Variants in CLEC2A observed in about 807,000 individuals in gnomAD.
CLEC2A encodes the protein keratinocyte-associated C-type lectin.
Under a neutral mutation model 18.6 loss-of-function variants are expected in CLEC2A, and 19 were observed. The ratio of observed to expected loss-of-function variants is 1.02; its 90% CI spans 0.71 to 1.50. The LOEUF is 1.50. CLEC2A is among the 40% of genes most tolerant of loss of function. The probability of loss-of-function intolerance (pLI) is 0.00; values close to 1 mark genes in which losing one functional copy is unlikely to be tolerated. For synonymous variants in CLEC2A, 74 were observed against 64.0 expected, an observed-to-expected ratio of 1.16 and a Z score of -0.75; for missense variants, 190 against 207.9, an observed-to-expected ratio of 0.91 and a Z score of 0.53.
downstream of CLEC2A, among the ~76,000 whole-genome samples, chr12:9,894,048 T>G (rs1377544020): frequency 6.6e-6 from 1 of 151,872 alleles, no homozygotes; most frequent in Non-Finnish European, 1.5e-5. Context: ...TTTTCTTTCT[T>G]TCTTTCTCTT....
chr12:9,930,643 T>C (rs2137060448), intron 1 of CLEC2A, among the ~76,000 whole-genome samples: 1 of 152,170 alleles, frequency 6.6e-6, no homozygotes, highest in Non-Finnish European at 1.5e-5. Flanking sequence ...ATTTTGTTTG[T>C]ACACTTTTGA....
At chr12:9,900,845 TG>T (rs1862816598) in intron 4 of CLEC2A, among the ~76,000 whole-genome samples, 1 of 152,212 alleles carries the variant, frequency 6.6e-6, no homozygotes, top group Non-Finnish European at 1.5e-5. Flanking sequence ...GTCAAAGTGT[TG>T]GTAAAATAAA....
At chr12:9,922,816 A>G (rs550817656) in intron 2 of CLEC2A, among the ~76,000 whole-genome samples, 1 of 152,332 alleles carries the variant, frequency 6.6e-6, no homozygotes, top group South Asian at 2.1e-4. Flanking sequence ...AGACAAGTCC[A>G]TGCATTCCAC....
At chr12:9,886,646 GCCAA>G in the CLEC2A span, among the ~76,000 whole-genome samples, 1 of 151,300 alleles carries the variant, frequency 6.6e-6, no homozygotes, top group African/African-American at 2.4e-5. Flanking sequence ...ACTTTTGAAA[GCCAA>G]AAATATGAAG....
downstream of CLEC2A, among the ~76,000 whole-genome samples, chr12:9,909,502 A>G (rs1453208579): frequency 3.3e-5 from 5 of 152,262 alleles, no homozygotes; most frequent in African/African-American, 1.2e-4. Flanking sequence ...TTGATCACCG[A>G]CCTGATCTGC....
chr12:9,924,272 T>A (rs575640363), intron 2 of CLEC2A, among the ~76,000 whole-genome samples: 1 of 151,816 alleles, frequency 6.6e-6, no homozygotes, highest in African/African-American at 2.4e-5. Context: ...CTTTTGTCTT[T>A]CTGCTCTTTT....
intron 4 of CLEC2A, among the ~76,000 whole-genome samples, chr12:9,906,578 G>A (rs534838409): frequency 1.3e-5 from 2 of 152,156 alleles, no homozygotes; most frequent in African/African-American, 4.8e-5. Flanking sequence ...CTTAGAATCA[G>A]TATAAATGGT....
chr12:9,899,167 G>T (rs1364516779), intron 4 of CLEC2A, among the ~76,000 whole-genome samples: 5 of 151,928 alleles, frequency 3.3e-5, no homozygotes, highest in Admixed American at 2.6e-4. Flanking sequence ...GGGCTCCTGG[G>T]TTCCCTTCCC....
intron 3 of CLEC2A, among the ~76,000 whole-genome samples, chr12:9,919,142 T>C (rs924193858): frequency 6.6e-6 from 1 of 152,202 alleles, no homozygotes; most frequent in Admixed American, 6.5e-5. Flanking sequence ...GGCTATAGAT[T>C]GTGACTTGGC....
At chr12:9,920,278 G>T (rs1863146820) in intron 3 of CLEC2A, among the ~76,000 whole-genome samples, 1 of 152,150 alleles carries the variant, frequency 6.6e-6, no homozygotes. Flanking sequence ...AACTACTTTT[G>T]CTGGGAAGCC....
intron 4 of CLEC2A, among the ~76,000 whole-genome samples, chr12:9,914,609 G>A (rs1477807972): frequency 2.0e-5 from 3 of 152,116 alleles, no homozygotes; most frequent in Non-Finnish European, 4.4e-5. Flanking sequence ...AACAAGCAAT[G>A]GGGGAAGGAT....
At chr12:9,881,648 C>A in the CLEC2A span, 1 of 1,535,052 alleles carries the variant, frequency 6.5e-7, no homozygotes, top group South Asian at 1.2e-5. Flanking sequence ...CGTTGTAAAT[C>A]GAAGCAGAAA....
At chr12:9,898,273 G>A (rs1024878534), downstream of CLEC2A, among the ~76,000 whole-genome samples, 1 of 152,162 alleles carries the variant, frequency 6.6e-6, no homozygotes, top group Non-Finnish European at 1.5e-5. Flanking sequence ...GTCCTCAAAA[G>A]TGAAACTCAC....
rs1321147205 is a variant in CLEC2A at position 9,913,692 on chromosome 12, C to T, written c.411-12G>A. The T allele has an allele frequency of 1.3e-6, 2 of 1,498,632 alleles. No homozygotes were observed. Among genetic ancestry groups the T allele is most frequent in the East Asian group, 2.5e-5 (1 of 40,632 alleles). The allele number at this position is 1,498,632 out of a possible 1,614,324, so 92.8% of individuals were successfully genotyped here. ...CTATAATTTCAAACCTGAAAAAGAA[C>T]ACTCTAAATCAGTCTGGGAACCACT... On this transcript the variant is annotated splice_polypyrimidine_tract_variant and intron_variant, in intron 4 of 4. Coordinates refer to ENST00000455827, the MANE Select transcript of CLEC2A (RefSeq NM_001130711.2).
At chr12:9,923,999 A>C (rs1863221534) in intron 2 of CLEC2A, among the ~76,000 whole-genome samples, 1 of 152,030 alleles carries the variant, frequency 6.6e-6, no homozygotes, top group Non-Finnish European at 1.5e-5. Flanking sequence ...TAGCATTAGG[A>C]GATATATCTA....
chr12:9,916,951 T>G lies in CLEC2A; in HGVS notation c.307-148A>C, dbSNP rs538604121. ...TCTATAACAACAAACAGCACAGATGTTGATGTTTGGGTTAGTTTTATCAGA... is the reference window on the plus strand; with the variant it reads ...TCTATAACAACAAACAGCACAGATGGTGATGTTTGGGTTAGTTTTATCAGA... On this transcript the variant is annotated intron_variant, in intron 3 of 4. Coordinates refer to ENST00000455827, the MANE Select transcript of CLEC2A (RefSeq NM_001130711.2). 7.2e-6 allele frequency: 4 copies of G among 556,854 alleles called. No homozygotes were observed. The Admixed American group carries it at 1.3e-4, about 18-fold the overall frequency. 34.5% of individuals were successfully genotyped at this position (556,854 alleles called of 1,614,324 possible).
At chr12:9,894,427 C>G (rs113062221), downstream of CLEC2A, among the ~76,000 whole-genome samples, 1,064 of 152,166 alleles carry the variant, frequency 7.0e-3, 9 homozygotes, top group African/African-American at 0.025. Context: ...AAACTATCAC[C>G]CACCTCAGCC....
At position 9,921,539 on chromosome 12, in the gene CLEC2A, A is replaced by T. The variant is rs140152897; in HGVS notation, c.306+527T>A. On this transcript the variant is annotated intron_variant, in intron 3 of 4. Transcript: ENST00000455827. ...GAATTCAAGGCTACAGTGAGCTGAG[A>T]TTGCACCACTGCACTCCAGCCTAGG... Among the ~76,000 whole-genome samples the T allele has an allele frequency of 2.5e-3, 374 of 152,262 alleles. 5 individuals are homozygous for T. The highest frequency in any genetic ancestry group is 4.1e-3 in the Non-Finnish European group (276 of 68,026).
the CLEC2A span, among the ~76,000 whole-genome samples, chr12:9,880,489 G>A: frequency 3.3e-5 from 5 of 152,106 alleles, no homozygotes; most frequent in Admixed American, 2.6e-4. Context: ...TTGATATTGA[G>A]TGGCCACGTA....
Sources: allele counts gnomAD v4.1 joint callset (sites outside exome capture counted in the v4.1 genomes callset), GRCh38; gene constraint gnomAD v4.1.1; transcripts MANE v1.5; gene names NCBI Gene and HGNC (gene_info 2026-07-23, HGNC 2026-07-21).